The following GTF2F2 variants were observed in gnomAD, a reference collection of about 807,000 sequenced individuals.
The protein encoded by GTF2F2 is ATP-dependent helicase GTF2F2.
GTF2F2 carries 23 observed loss-of-function variants against 42.2 expected under a neutral mutation model. That is an observed-to-expected ratio of 0.55 (90% CI 0.39 to 0.77). The LOEUF (loss-of-function observed/expected upper bound fraction) is 0.77, where lower values mean the gene tolerates loss of function less well. GTF2F2 is among the 30% of genes least tolerant of loss of function. The probability of loss-of-function intolerance (pLI) is 0.00; values close to 1 mark genes in which losing one functional copy is unlikely to be tolerated. For synonymous variants in GTF2F2, 105 were observed against 100.8 expected, an observed-to-expected ratio of 1.04 and a Z score of -0.25; for missense variants, 261 against 287.2, an observed-to-expected ratio of 0.91 and a Z score of 0.66.
At chr13:45,191,222 A>ATATATATATATATAT (rs1555267758) in intron 4 of GTF2F2, among the ~76,000 whole-genome samples, 36 of 69,934 alleles carry the variant, frequency 5.1e-4, no homozygotes, top group African/African-American at 2.2e-3. Flanking sequence ...ATACAAAAAA[A>ATATATATATATATAT]AAATATATAT....
intron 7 of GTF2F2, among the ~76,000 whole-genome samples, chr13:45,268,698 G>A (rs1024796865): frequency 3.3e-5 from 5 of 151,900 alleles, no homozygotes; most frequent in African/African-American, 7.3e-5. Flanking sequence ...AAATATATCT[G>A]TATGAAAAGA....
At chr13:45,200,712 T>C (rs1873139705) in intron 4 of GTF2F2, among the ~76,000 whole-genome samples, 1 of 152,234 alleles carries the variant, frequency 6.6e-6, no homozygotes, top group Non-Finnish European at 1.5e-5. Flanking sequence ...GTACCTTTTA[T>C]TAGTAGACCT....
At chr13:45,189,068 A>G (rs895195997) in intron 4 of GTF2F2, among the ~76,000 whole-genome samples, 1 of 151,922 alleles carries the variant, frequency 6.6e-6, no homozygotes, top group African/African-American at 2.4e-5. Flanking sequence ...CCACCCCACA[A>G]CAGGCCCCAG....
intron 7 of GTF2F2, among the ~76,000 whole-genome samples, chr13:45,281,135 C>G (rs1227094752): frequency 6.6e-6 from 1 of 152,134 alleles, no homozygotes; most frequent in Middle Eastern, 3.2e-3. Context: ...TATCTCAAGC[C>G]TTTATGCTTA....
chr13:45,162,317 G>T (rs1374374512), intron 4 of GTF2F2, among the ~76,000 whole-genome samples: 1 of 152,170 alleles, frequency 6.6e-6, no homozygotes, highest in African/African-American at 2.4e-5. Flanking sequence ...CACTCCGCTA[G>T]TAAAGGCCCT....
intron 5 of GTF2F2, among the ~76,000 whole-genome samples, chr13:45,250,356 C>T (rs1231498295): frequency 6.6e-6 from 1 of 151,930 alleles, no homozygotes; most frequent in Non-Finnish European, 1.5e-5. Context: ...TGCCTTATTT[C>T]TTATAAGCAT....
intron 4 of GTF2F2, among the ~76,000 whole-genome samples, chr13:45,180,932 C>T (rs1872124321): frequency 6.6e-6 from 1 of 151,336 alleles, no homozygotes; most frequent in Non-Finnish European, 1.5e-5. Context: ...GAGACCAAAG[C>T]AGGAGGATCA....
Position 45,283,658 on chromosome 13 carries a change from G to T in GTF2F2, c.*97G>T. ...GCTTGAACACCGTATGTTAATAGGG[G>T]TTAAGTGACAGTACTTTGATTTCTC... On this transcript the variant is annotated 3_prime_UTR_variant, in exon 8 of 8. Coordinates refer to ENST00000340473, the MANE Select transcript of GTF2F2 (RefSeq NM_004128.3). 1.1e-6 allele frequency: 1 copy of T among 952,370 alleles called. No homozygotes were observed. Among genetic ancestry groups the T allele is most frequent in the Non-Finnish European group, 1.5e-6 (1 of 687,508 alleles). The allele number at this position is 952,370 out of a possible 1,614,324, so 59.0% of individuals were successfully genotyped here. A position where few individuals can be genotyped will look rare whatever the true frequency, so the allele number is the denominator to read the frequency against.
intron 7 of GTF2F2, among the ~76,000 whole-genome samples, chr13:45,283,144 G>A (rs917874025): frequency 1.3e-5 from 2 of 152,052 alleles, no homozygotes; most frequent in Non-Finnish European, 2.9e-5. Context: ...TAATTTTTTC[G>A]TGTATTTCAT....
intron 1 of GTF2F2, among the ~76,000 whole-genome samples, chr13:45,135,168 G>A (rs556537160): frequency 3.9e-5 from 6 of 152,086 alleles, no homozygotes; most frequent in Admixed American, 1.3e-4. Flanking sequence ...TGGCCAGGCT[G>A]GTCTAGAACT....
intron 1 of GTF2F2, among the ~76,000 whole-genome samples, chr13:45,134,953 CTTT>C (rs879506133): frequency 3.5e-5 from 5 of 142,740 alleles, no homozygotes; most frequent in Admixed American, 7.0e-5. Flanking sequence ...TATTGTCTAA[CTTT>C]TTTTTTTTTT....
chr13:45,174,634 CTTTTTTTTTTTT>C (rs397950608), intron 4 of GTF2F2, among the ~76,000 whole-genome samples: 1 of 81,504 alleles, frequency 1.2e-5, no homozygotes, highest in South Asian at 4.0e-4. Context: ...TTTCTTTTTT[CTTTTTTTTTTTT>C]TTTTTTTTTA....
At chr13:45,241,349 T>G (rs980483329) in intron 5 of GTF2F2, among the ~76,000 whole-genome samples, 15 of 152,112 alleles carry the variant, frequency 9.9e-5, no homozygotes, top group Non-Finnish European at 1.2e-4. Context: ...TAGCCCCAGC[T>G]TCTCTCTCTT....
Position 45,252,912 on chromosome 13 carries a change from A to T in GTF2F2, c.428A>T (p.Gln143Leu), listed in dbSNP as rs746821611. Residue 143 changes from glutamine to leucine, a missense_variant, in exon 6 of 8, where the codon CAA becomes CTA. Gln to Leu is a moderately radical substitution (Grantham distance 113). Coordinates refer to ENST00000340473, the MANE Select transcript of GTF2F2 (RefSeq NM_004128.3). ...EESSKPVRLS[Q>L]QLDKVVTTNY... ...TCTTCCAAACCAGTGAGGCTATCAC[A>T]ACAGCTGGACAAAGTTGTAACAACC... The T allele has an allele frequency of 6.6e-7, 1 of 1,513,940 alleles. No individual in the cohort carries two copies. The highest frequency in any genetic ancestry group is 2.5e-5 in the Admixed American group (1 of 39,228). 93.8% of individuals were successfully genotyped at this position (1,513,940 alleles called of 1,614,324 possible). A position where few individuals can be genotyped will look rare whatever the true frequency, so the allele number is the denominator to read the frequency against.
chr13:45,133,436 AC>A (rs1869463362), intron 1 of GTF2F2, among the ~76,000 whole-genome samples: 1 of 152,242 alleles, frequency 6.6e-6, no homozygotes. Context: ...AAGCCAGGAC[AC>A]AAAGGAATGT....
At chr13:45,246,532 G>A (rs929670568) in intron 5 of GTF2F2, among the ~76,000 whole-genome samples, 6 of 151,988 alleles carry the variant, frequency 3.9e-5, no homozygotes, top group African/African-American at 1.4e-4. Context: ...CTCTGGATTG[G>A]TACAGTAGCT....
Position 45,136,793 on chromosome 13 carries a change from C to T in GTF2F2, c.127C>T (p.Leu43=). 6.3e-7 allele frequency: 1 copy of T among 1,577,564 alleles called. No individual in the cohort carries two copies. Residue 43 remains leucine (L), a synonymous_variant, in exon 2 of 8, where the codon CTG becomes TTG. Coordinates refer to ENST00000340473, the MANE Select transcript of GTF2F2 (RefSeq NM_004128.3). ...KASGRGEVGK[L]RIAKTQGRTE... is the part of the protein sequence containing the mutation. ...CTCTGGAAGAGGTGAAGTTGGGAAA[C>T]TGCGGATTGCCAAGTAAGTTATTTA...
intron 1 of GTF2F2, among the ~76,000 whole-genome samples, chr13:45,130,384 T>G (rs1166855542): frequency 6.6e-6 from 1 of 152,238 alleles, no homozygotes; most frequent in African/African-American, 2.4e-5. Flanking sequence ...TAGTAAGCAC[T>G]ATGTAGATGT....
intron 4 of GTF2F2, among the ~76,000 whole-genome samples, chr13:45,173,561 G>T (rs1228787656): frequency 3.4e-5 from 5 of 146,096 alleles, no homozygotes; most frequent in Non-Finnish European, 7.5e-5. Context: ...CCCCAACCCT[G>T]TCTTAACCCC....
Sources: allele counts gnomAD v4.1 joint callset (sites outside exome capture counted in the v4.1 genomes callset), GRCh38; gene constraint gnomAD v4.1.1; transcripts MANE v1.5; gene names NCBI Gene and HGNC (gene_info 2026-07-23, HGNC 2026-07-21).